Variants in CTSS observed in about 807,000 individuals in gnomAD.
CTSS encodes cathepsin S.
A neutral mutation model predicts 39.9 loss-of-function variants in CTSS; 15 were observed. The observed-to-expected ratio is 0.38, with a 90% CI of 0.25 to 0.58. The LOEUF (loss-of-function observed/expected upper bound fraction) is 0.58. Ranked by LOEUF, CTSS falls within the 20% of genes least tolerant of loss-of-function variation. The pLI is 0.70. For synonymous variants in CTSS, 126 were observed against 138.2 expected, an observed-to-expected ratio of 0.91 and a Z score of 0.62; for missense variants, 250 against 398.2, an observed-to-expected ratio of 0.63 and a Z score of 3.17.
Position 150,755,237 on chromosome 1 carries a change from A to G in CTSS, c.250-87T>C, listed in dbSNP as rs940442103. ...TCGTTAGGTGATTTTGTCATTGTGA[A>G]AACACCATAGTGTGTACTTACACAA... On this transcript the variant is annotated intron_variant, in intron 3 of 7. Transcript: ENST00000368985. The G allele has an allele frequency of 2.1e-6, 3 of 1,438,270 alleles. No homozygotes were observed. In the African/African-American group the frequency reaches 4.2e-5, roughly 20 times the overall value. 89.1% of individuals were successfully genotyped at this position (1,438,270 alleles called of 1,614,324 possible).
chr1:150,741,054 G>A (rs1652744006), intron 7 of CTSS, among the ~76,000 whole-genome samples: 1 of 151,440 alleles, frequency 6.6e-6, no homozygotes, highest in Admixed American at 6.6e-5. Flanking sequence ...TAGGCCAGAG[G>A]GCAGTGGTGT....
chr1:150,733,295 G>T, intron 7 of CTSS, 150 bp from the exon 8 acceptor site: 1 of 582,826 alleles, frequency 1.7e-6, no homozygotes, highest in Non-Finnish European at 3.0e-6. Flanking sequence ...ATTTCTCCAG[G>T]GATTTCAGGT....
chr1:150,761,900 T>G (rs1653274774), intron 2 of CTSS, among the ~76,000 whole-genome samples: 1 of 152,228 alleles, frequency 6.6e-6, no homozygotes, highest in South Asian at 2.1e-4. Flanking sequence ...TCTAATGTTA[T>G]TCTTCACAGA....
chr1:150,763,786 G>T (rs1240785035), intron 2 of CTSS, among the ~76,000 whole-genome samples: 5 of 152,168 alleles, frequency 3.3e-5, no homozygotes, highest in African/African-American at 1.2e-4. Context: ...TACAAAATGG[G>T]AAGTGATAGT....
chr1:150,757,467 A>T (rs1417414611), intron 3 of CTSS, among the ~76,000 whole-genome samples: 1 of 152,222 alleles, frequency 6.6e-6, no homozygotes, highest in Non-Finnish European at 1.5e-5. Context: ...ATTATTTGTG[A>T]TATTAAATAC....
chr1:150,742,982 T>C (rs1652799758), intron 7 of CTSS, among the ~76,000 whole-genome samples: 1 of 151,992 alleles, frequency 6.6e-6, no homozygotes, highest in South Asian at 2.1e-4. Flanking sequence ...AGCTGCCAAA[T>C]TGGAAGTTGG....
chr1:150,755,928 A>C (rs924282750), intron 3 of CTSS, among the ~76,000 whole-genome samples: 1 of 152,132 alleles, frequency 6.6e-6, no homozygotes, highest in Admixed American at 6.6e-5. Context: ...TTCTTTCTTC[A>C]ATAATAAATT....
intron 6 of CTSS, chr1:150,748,130 A>C (rs1652928740): frequency 3.7e-6 from 1 of 271,896 alleles, no homozygotes; most frequent in Non-Finnish European, 6.9e-6. Flanking sequence ...TCTCTACTAA[A>C]AATACAAAAA....
intron 7 of CTSS, among the ~76,000 whole-genome samples, chr1:150,735,673 C>T (rs587606993): frequency 1.3e-5 from 2 of 151,976 alleles, no homozygotes; most frequent in Admixed American, 1.3e-4. Context: ...ACTGCAGCTT[C>T]GACCTCCTGT....
At chr1:150,757,602 A>T (rs587711069) in intron 3 of CTSS, among the ~76,000 whole-genome samples, 18 of 149,136 alleles carry the variant, frequency 1.2e-4, no homozygotes, top group South Asian at 8.5e-4. Context: ...AGAATTTATT[A>T]AAAAAAAAAC....
At chr1:150,743,493 GGA>G (rs1229269865) in intron 7 of CTSS, among the ~76,000 whole-genome samples, 2 of 33,778 alleles carry the variant, frequency 5.9e-5, no homozygotes, top group Non-Finnish European at 7.8e-5. Flanking sequence ...TGGGAGGCTG[GGA>G]GATATATATA....
intron 7 of CTSS, among the ~76,000 whole-genome samples, chr1:150,734,533 C>T (rs1045145561): frequency 6.6e-6 from 1 of 151,868 alleles, no homozygotes; most frequent in Non-Finnish European, 1.5e-5. Context: ...CCCAGCTACT[C>T]GAGAGGCTGA....
chr1:150,762,978 C>T (rs973113891), intron 2 of CTSS, among the ~76,000 whole-genome samples: 2 of 152,006 alleles, frequency 1.3e-5, no homozygotes, highest in Non-Finnish European at 2.9e-5. Context: ...CTTCCATGTT[C>T]ATTGTAGCAT....
intron 4 of CTSS, 134 bp downstream of exon 4, chr1:150,754,867 G>T: frequency 3.3e-6 from 3 of 914,114 alleles, no homozygotes; most frequent in Non-Finnish European, 3.2e-6. Context: ...TAATTTAGTT[G>T]GGAAGACAAG....
chr1:150,734,274 G>A (rs1223531863), intron 7 of CTSS, among the ~76,000 whole-genome samples: 2 of 151,654 alleles, frequency 1.3e-5, no homozygotes, highest in African/African-American at 2.4e-5. Context: ...TGATCTACCC[G>A]CCTCAGGCTC....
Position 150,752,119 on chromosome 1 carries a change from G to A in CTSS, c.400-111C>T. 1.2e-5 allele frequency: 12 copies of A among 1,041,548 alleles called. No homozygotes were observed. In the South Asian group the frequency reaches 1.8e-4, roughly 15 times the overall value. The allele number at this position is 1,041,548 out of a possible 1,614,324, so 64.5% of individuals were successfully genotyped here. On this transcript the variant is annotated intron_variant, in intron 4 of 7. Transcript: ENST00000368985. Reference sequence around the variant, plus strand: ...ACATCAGTTCTGTCCCTAGTTCCCAGAAAGAGCTCCCCCACTACAGTTTCC... The same window carrying A: ...ACATCAGTTCTGTCCCTAGTTCCCAAAAAGAGCTCCCCCACTACAGTTTCC...
rs1321106463 is a variant in CTSS at position 150,730,877 on chromosome 1, G to A, written c.*2169C>T. On this transcript the variant is annotated 3_prime_UTR_variant, in exon 8 of 8. Coordinates refer to ENST00000368985, the MANE Select transcript of CTSS (RefSeq NM_004079.5). Reference sequence around the variant, plus strand: ...ATTTAATGCATTTATAAAGAAGCATGCATATTAATATATAACAAACTTATC... The same window carrying A: ...ATTTAATGCATTTATAAAGAAGCATACATATTAATATATAACAAACTTATC... The A allele has an allele frequency of 7.4e-6, 1 of 135,130 alleles. No homozygotes were observed. Among genetic ancestry groups the A allele is most frequent in the East Asian group, 2.1e-4 (1 of 4,670 alleles). The allele number at this position is 135,130 out of a possible 1,614,324, so 8.4% of individuals were successfully genotyped here. A position where few individuals can be genotyped will look rare whatever the true frequency, so the allele number is the denominator to read the frequency against.
chr1:150,760,752 A>G (rs959269827), intron 2 of CTSS, among the ~76,000 whole-genome samples: 6 of 151,872 alleles, frequency 4.0e-5, no homozygotes, highest in African/African-American at 1.5e-4. Context: ...GTGTGGTGGC[A>G]TGTGCCTACA....
intron 7 of CTSS, among the ~76,000 whole-genome samples, chr1:150,744,873 G>C (rs1337479747): frequency 2.6e-5 from 4 of 151,648 alleles, no homozygotes; most frequent in Non-Finnish European, 5.9e-5. Flanking sequence ...AAGCAGATTT[G>C]AATTTCAACA....
Sources: gnomAD v4.1 joint callset for allele counts (sites outside exome capture counted in the v4.1 genomes callset) on GRCh38, gnomAD v4.1.1 for gene constraint, MANE v1.5 for transcripts, NCBI Gene and HGNC (gene_info 2026-07-23, HGNC 2026-07-21) for gene names.